NCKAP5: variants seen among roughly 807,000 people sequenced by gnomAD.
NCKAP5 encodes NCK associated protein 5, also known as nck-associated protein 5.
NCKAP5 carries 92 observed loss-of-function variants against 167.0 expected under a neutral mutation model. That is an observed-to-expected ratio of 0.55 (90% CI 0.47 to 0.66). NCKAP5 has a LOEUF of 0.66. Ranked by LOEUF, NCKAP5 falls within the 30% of genes least tolerant of loss-of-function variation. The pLI, the probability that NCKAP5 is intolerant of heterozygous loss-of-function variation, is 0.00. For missense variants in NCKAP5, 2,378 were observed against 2,315.0 expected, an observed-to-expected ratio of 1.03 and a Z score of -0.56; for synonymous variants, 891 against 877.4, an observed-to-expected ratio of 1.02 and a Z score of -0.27.
intron 19 of NCKAP5, among the ~76,000 whole-genome samples, chr2:132,693,708 C>A (rs1045127393): frequency 1.3e-5 from 2 of 148,504 alleles, no homozygotes; most frequent in Middle Eastern, 3.3e-3. Flanking sequence ...TCACTGCAAC[C>A]TCCGCTTCCC....
At chr2:133,249,282 G>T (rs918778552) in intron 4 of NCKAP5, among the ~76,000 whole-genome samples, 13 of 152,170 alleles carry the variant, frequency 8.5e-5, no homozygotes, top group African/African-American at 2.9e-4. Flanking sequence ...GAACTCGAAA[G>T]AGTCAAAGCT....
At chr2:133,131,918 A>G (rs182097482) in intron 5 of NCKAP5, among the ~76,000 whole-genome samples, 1 of 152,234 alleles carries the variant, frequency 6.6e-6, no homozygotes, top group Admixed American at 6.5e-5. Context: ...TGGACAAGTC[A>G]CCAATACTAC....
chr2:132,823,345 C>A (rs939525573), intron 11 of NCKAP5, among the ~76,000 whole-genome samples: 4 of 152,128 alleles, frequency 2.6e-5, no homozygotes, highest in Non-Finnish European at 5.9e-5. Context: ...AAATTAACAG[C>A]AGACTTCTCA....
At chr2:132,884,988 G>T (rs945750676) in intron 8 of NCKAP5, among the ~76,000 whole-genome samples, 1 of 152,146 alleles carries the variant, frequency 6.6e-6, no homozygotes, top group Non-Finnish European at 1.5e-5. Context: ...CCTAAAGGGT[G>T]CTGGTGAAAG....
intron 8 of NCKAP5, among the ~76,000 whole-genome samples, chr2:132,882,566 A>G (rs1342501594): frequency 6.6e-6 from 1 of 152,206 alleles, no homozygotes; most frequent in Admixed American, 6.5e-5. Context: ...CTTTAGAACA[A>G]AAGTATAAAG....
At chr2:133,435,618 C>A (rs976714903) in intron 3 of NCKAP5, among the ~76,000 whole-genome samples, 4 of 152,058 alleles carry the variant, frequency 2.6e-5, no homozygotes, top group African/African-American at 7.2e-5. Flanking sequence ...ATTAAATGAA[C>A]AAATACAGCA....
At chr2:133,671,214 CA>C in the NCKAP5 span, among the ~76,000 whole-genome samples, 12,688 of 54,166 alleles carry the variant, frequency 0.23, 176 homozygotes, top group South Asian at 0.28. Context: ...GACTCCGTCT[CA>C]AAAAAAAAAA....
At chr2:133,031,896 C>T (rs932754484) in intron 6 of NCKAP5, among the ~76,000 whole-genome samples, 2 of 152,034 alleles carry the variant, frequency 1.3e-5, no homozygotes, top group African/African-American at 4.8e-5. Flanking sequence ...AAGAAAAGGA[C>T]CCAGTCTTGG....
At position 133,334,230 on chromosome 2, in the gene NCKAP5, G is replaced by T. The variant is rs180682374; in HGVS notation, c.70-31120C>A. Among the ~76,000 whole-genome samples the T allele has an allele frequency of 2.6e-5, 4 of 152,222 alleles. No homozygotes were observed. The East Asian group carries it at 5.8e-4, about 22-fold the overall frequency. On this transcript the variant is annotated intron_variant, in intron 3 of 19. Coordinates refer to ENST00000409261, the MANE Select transcript of NCKAP5 (RefSeq NM_207363.3). ...TCAGGTTTCTCACCTGTAAAATGGGGATAATAATGATTCCTGTTTCATAGG... is the reference window on the plus strand; with the variant it reads ...TCAGGTTTCTCACCTGTAAAATGGGTATAATAATGATTCCTGTTTCATAGG...
At chr2:133,590,298 G>C in the NCKAP5 span, among the ~76,000 whole-genome samples, 1 of 151,430 alleles carries the variant, frequency 6.6e-6, no homozygotes, top group Non-Finnish European at 1.5e-5. Flanking sequence ...AGACCATCCT[G>C]GCTAACACAG....
chr2:133,634,705 G>A, the NCKAP5 span, among the ~76,000 whole-genome samples: 47 of 152,122 alleles, frequency 3.1e-4, no homozygotes, highest in African/African-American at 1.1e-3. Flanking sequence ...ACATAGGATT[G>A]CCTGGTACAA....
intron 3 of NCKAP5, among the ~76,000 whole-genome samples, chr2:133,337,695 G>A (rs1683305476): frequency 6.6e-6 from 1 of 152,216 alleles, no homozygotes; most frequent in Non-Finnish European, 1.5e-5. Context: ...AAGCTAAGGA[G>A]AGGGGTTGCA....
At chr2:133,337,961 A>G (rs979802680) in intron 3 of NCKAP5, among the ~76,000 whole-genome samples, 5 of 152,230 alleles carry the variant, frequency 3.3e-5, no homozygotes, top group Admixed American at 3.3e-4. Flanking sequence ...ACTATATAAT[A>G]TGGGCTATAC....
chr2:133,662,451 T>C, the NCKAP5 span, among the ~76,000 whole-genome samples: 1 of 151,544 alleles, frequency 6.6e-6, no homozygotes, highest in Non-Finnish European at 1.5e-5. Flanking sequence ...CAGGTTTCCA[T>C]ATGGAAGAAA....
At chr2:133,426,409 G>A (rs1293779560) in intron 3 of NCKAP5, among the ~76,000 whole-genome samples, 1 of 135,640 alleles carries the variant, frequency 7.4e-6, no homozygotes, top group Admixed American at 7.6e-5. Flanking sequence ...GAAAATAAAT[G>A]CATTACACAT....
At chr2:133,620,455 G>T in the NCKAP5 span, among the ~76,000 whole-genome samples, 1 of 152,058 alleles carries the variant, frequency 6.6e-6, no homozygotes, top group African/African-American at 2.4e-5. Context: ...GACAAGAAAA[G>T]CAAGCAGGAG....
intron 3 of NCKAP5, among the ~76,000 whole-genome samples, chr2:133,360,539 T>C (rs978254556): frequency 6.6e-6 from 1 of 152,106 alleles, no homozygotes. Context: ...AGTGTTTGCG[T>C]GACAAAGGAC....
chr2:133,452,158 C>T lies in NCKAP5; in HGVS notation c.69+65300G>A, dbSNP rs60532004. Among the ~76,000 whole-genome samples the T allele has an allele frequency of 3.6e-3, 541 of 152,220 alleles. 5 individuals carry two copies. The highest frequency in any genetic ancestry group is 0.013 in the African/African-American group (522 of 41,522). ...CTGGCCAAAAATAATAATGCTTGGC[C>T]CCAAATACCATGTCAAATGCAGCCT... On this transcript the variant is annotated intron_variant, in intron 3 of 19. Transcript: ENST00000409261.
intron 6 of NCKAP5, among the ~76,000 whole-genome samples, chr2:133,102,063 T>C (rs2081531397): frequency 6.6e-6 from 1 of 152,194 alleles, no homozygotes; most frequent in Admixed American, 6.5e-5. Flanking sequence ...AAGCACATAA[T>C]GCAATGATTA....
Sources: gnomAD v4.1 joint callset for allele counts (sites outside exome capture counted in the v4.1 genomes callset) on GRCh38, gnomAD v4.1.1 for gene constraint, MANE v1.5 for transcripts, NCBI Gene and HGNC (gene_info 2026-07-23, HGNC 2026-07-21) for gene names.